Variants in ITGA1 observed in about 807,000 individuals in gnomAD.
ITGA1 encodes the protein integrin alpha-1.
Under a neutral mutation model 145.9 loss-of-function variants are expected in ITGA1, and 85 were observed. The observed-to-expected ratio is 0.58, with a 90% CI of 0.49 to 0.70. The LOEUF (loss-of-function observed/expected upper bound fraction) is 0.70. ITGA1 is among the 30% of genes least tolerant of loss of function. ITGA1 has a pLI of 0.00. For synonymous variants in ITGA1, 520 were observed against 495.3 expected (o/e 1.05, Z -0.66); for missense variants, 1,351 against 1,418.7 (o/e 0.95, Z 0.77).
chr5:52,908,461 G>A (rs1381155969), intron 12 of ITGA1, among the ~76,000 whole-genome samples: 1 of 152,120 alleles, frequency 6.6e-6, no homozygotes, highest in Non-Finnish European at 1.5e-5. Flanking sequence ...AGACTATGAG[G>A]TGAAATATGC....
At chr5:52,820,397 A>G in intron 1 of ITGA1, among the ~76,000 whole-genome samples, 1 of 144,140 alleles carries the variant, frequency 6.9e-6, no homozygotes, top group Non-Finnish European at 1.5e-5. Flanking sequence ...GGGGAGGGAT[A>G]GCATTAGGAG....
At chr5:52,885,318 A>G (rs1046010526) in intron 7 of ITGA1, among the ~76,000 whole-genome samples, 2 of 152,174 alleles carry the variant, frequency 1.3e-5, no homozygotes, top group African/African-American at 4.8e-5. Context: ...CAAGCTTCTG[A>G]TCATGGCCTG....
intron 1 of ITGA1, among the ~76,000 whole-genome samples, chr5:52,834,962 G>A (rs1401844313): frequency 6.6e-6 from 1 of 152,138 alleles, no homozygotes; most frequent in Non-Finnish European, 1.5e-5. Flanking sequence ...GAAGGACAAA[G>A]AAGAAAGGTA....
chr5:52,808,104 G>A (rs977101476), intron 1 of ITGA1, among the ~76,000 whole-genome samples: 4 of 152,150 alleles, frequency 2.6e-5, no homozygotes, highest in Non-Finnish European at 4.4e-5. Context: ...GTATTATAGA[G>A]TATTTCACTG....
chr5:52,819,773 G>A (rs931182382), intron 1 of ITGA1, among the ~76,000 whole-genome samples: 2 of 152,016 alleles, frequency 1.3e-5, no homozygotes, highest in Non-Finnish European at 2.9e-5. Flanking sequence ...GGGTTTTTAT[G>A]GTTTTAGATC....
At chr5:52,939,073 T>C (rs1751014463) in intron 24 of ITGA1, among the ~76,000 whole-genome samples, 2 of 152,094 alleles carry the variant, frequency 1.3e-5, no homozygotes, top group African/African-American at 4.8e-5. Context: ...CAACTAATTT[T>C]TGTATTTCTA....
chr5:52,918,974 G>A (rs917903670), intron 16 of ITGA1, 76 bp downstream of exon 16: 3 of 1,235,652 alleles, frequency 2.4e-6, no homozygotes, highest in African/African-American at 3.1e-5. Flanking sequence ...AGTCCAGTAG[G>A]ATATTGTATT....
chr5:52,829,472 G>A (rs920921036), intron 1 of ITGA1, among the ~76,000 whole-genome samples: 1 of 151,828 alleles, frequency 6.6e-6, no homozygotes, highest in Non-Finnish European at 1.5e-5. Flanking sequence ...AGGTTAAGGA[G>A]GAAAAAAAAT....
intron 12 of ITGA1, among the ~76,000 whole-genome samples, chr5:52,906,859 T>TA (rs1295355662): frequency 6.6e-6 from 1 of 152,158 alleles, no homozygotes; most frequent in African/African-American, 2.4e-5. Flanking sequence ...GGTGCAGGGA[T>TA]ACTCACATTA....
At chr5:52,916,050 T>C (rs1390589272) in intron 15 of ITGA1, among the ~76,000 whole-genome samples, 3 of 152,318 alleles carry the variant, frequency 2.0e-5, no homozygotes, top group East Asian at 3.9e-4. Flanking sequence ...TTAAGTAATA[T>C]CTTCGCTCAG....
chr5:52,891,242 C>T (rs186783488), intron 8 of ITGA1, among the ~76,000 whole-genome samples: 1 of 149,996 alleles, frequency 6.7e-6, no homozygotes, highest in Non-Finnish European at 1.5e-5. Context: ...GGGATATATA[C>T]CCAGCAATGT....
In ITGA1 at chr5:52,929,670, GA is replaced by G; in HGVS notation, c.2744del (p.Asn915MetfsTer2). 2 of 1,591,064 alleles carry G rather than the reference GA, an allele frequency of 1.3e-6. No homozygotes were observed. Among genetic ancestry groups the G allele is most frequent in the Non-Finnish European group, 1.7e-6 (2 of 1,162,312 alleles). Reference sequence around the variant, plus strand: ...TCAGTTTAACACATCCTATCTCATGGAAAATGTGACCATTTATTTAAGTGCA... The same window carrying G: ...TCAGTTTAACACATCCTATCTCATGGAAATGTGACCATTTATTTAAGTGCA... ...LFQFNTSYLMENVTIYLSATS... is the reference protein window; with the variant it reads ...LFQFNTSYLMXNVTIYLSATS... On this transcript the variant is annotated frameshift_variant, in exon 21 of 29. Transcript: ENST00000282588. LOFTEE classifies it high-confidence loss of function.
chr5:52,936,769 G>T (rs2111895406), intron 23 of ITGA1, among the ~76,000 whole-genome samples: 1 of 152,280 alleles, frequency 6.6e-6, no homozygotes, highest in South Asian at 2.1e-4. Context: ...CTTTGGGTTA[G>T]TGGATAAAAT....
intron 7 of ITGA1, among the ~76,000 whole-genome samples, chr5:52,887,294 A>G (rs1035827170): frequency 1.3e-5 from 2 of 152,106 alleles, no homozygotes; most frequent in Admixed American, 1.3e-4. Flanking sequence ...TCAAGCACTC[A>G]CAGCCCCACT....
intron 28 of ITGA1, among the ~76,000 whole-genome samples, chr5:52,947,667 A>G (rs556495410): frequency 6.6e-6 from 1 of 152,310 alleles, no homozygotes; most frequent in Admixed American, 6.5e-5. Context: ...AGGAAAAAAA[A>G]CTTATTTTAA....
intron 1 of ITGA1, among the ~76,000 whole-genome samples, chr5:52,819,346 G>C (rs951174319): frequency 4.6e-5 from 7 of 152,160 alleles, no homozygotes; most frequent in African/African-American, 1.2e-4. Context: ...ATTCTAACTG[G>C]TGTCAGATGG....
chr5:52,920,350 C>T lies in ITGA1; in HGVS notation c.2174C>T (p.Thr725Ile), dbSNP rs1202779169. Residue 725 changes from threonine to isoleucine, a missense_variant, in exon 17 of 29, where the codon ACC (threonine) becomes ATC (isoleucine). Thr to Ile is a moderately conservative substitution (Grantham distance 89). Coordinates refer to ENST00000282588, the MANE Select transcript of ITGA1 (RefSeq NM_181501.2). ...TTTGTAGATTTGCAGTACCGTGTCA[C>T]CCTAGATTCACTAAGACAAATATCA... ...IYEADLQYRV[T>I]LDSLRQISRS... The T allele has an allele frequency of 1.2e-5, 20 of 1,603,830 alleles. No individual in the cohort carries two copies. The highest frequency in any genetic ancestry group is 1.6e-5 in the Non-Finnish European group (19 of 1,175,884).
At chr5:52,818,769 G>T (rs188691048) in intron 1 of ITGA1, among the ~76,000 whole-genome samples, 11 of 152,132 alleles carry the variant, frequency 7.2e-5, no homozygotes, top group Admixed American at 5.9e-4. Flanking sequence ...ACATTAGAAA[G>T]GTATCTAATT....
At chr5:52,810,926 TA>T (rs1428981080) in intron 1 of ITGA1, among the ~76,000 whole-genome samples, 1 of 152,234 alleles carries the variant, frequency 6.6e-6, no homozygotes, top group African/African-American at 2.4e-5. Flanking sequence ...ATTGTAAATT[TA>T]AAATTCTTAG....
Sources: allele counts gnomAD v4.1 joint callset (sites outside exome capture counted in the v4.1 genomes callset), GRCh38; gene constraint gnomAD v4.1.1; transcripts MANE v1.5; gene names NCBI Gene and HGNC (gene_info 2026-07-23, HGNC 2026-07-21).